Variants in ELFN2 observed in about 807,000 individuals in gnomAD.
The protein encoded by ELFN2 is protein phosphatase 1 regulatory subunit 29.
ELFN2 carries 17 observed loss-of-function variants against 45.5 expected under a neutral mutation model. That is an observed-to-expected ratio of 0.37 (90% CI 0.26 to 0.56). The LOEUF (loss-of-function observed/expected upper bound fraction) is 0.56, where lower values mean the gene tolerates loss of function less well. Ranked by LOEUF, ELFN2 falls within the 20% of genes least tolerant of loss-of-function variation. ELFN2 has a pLI of 0.77. For synonymous variants in ELFN2, 550 were observed against 551.5 expected (o/e 1.00, Z 0.04); for missense variants, 922 against 1,183.2 (o/e 0.78, Z 3.24).
At chr22:37,367,270 C>T (rs985869710), downstream of ELFN2, among the ~76,000 whole-genome samples, 6 of 152,218 alleles carry the variant, frequency 3.9e-5, no homozygotes, top group Admixed American at 2.0e-4. Flanking sequence ...GTCCACTGGA[C>T]GCTGACCTGA....
At chr22:37,382,772 G>C (rs61574707) in intron 2 of ELFN2, among the ~76,000 whole-genome samples, 6,162 of 152,146 alleles carry the variant, frequency 0.041, 435 homozygotes, top group African/African-American at 0.14. Flanking sequence ...GGCTGGTCTT[G>C]AACTCCTCAG....
At chr22:37,396,372 C>T (rs952808982) in intron 2 of ELFN2, among the ~76,000 whole-genome samples, 3 of 152,182 alleles carry the variant, frequency 2.0e-5, no homozygotes, top group Non-Finnish European at 2.9e-5. Context: ...ATGGGGCCAG[C>T]GTGCAGAAGA....
chr22:37,363,932 TCTC>T (rs1931145902), downstream of ELFN2, among the ~76,000 whole-genome samples: 2 of 152,070 alleles, frequency 1.3e-5, no homozygotes, highest in African/African-American at 4.8e-5. Context: ...TAGCATCAGG[TCTC>T]CTTCCTTGCA....
chr22:37,382,146 C>T (rs1330412450), intron 2 of ELFN2, among the ~76,000 whole-genome samples: 1 of 152,112 alleles, frequency 6.6e-6, no homozygotes, highest in Admixed American at 6.5e-5. Context: ...CAGTGATGCA[C>T]CCAAGACCAC....
At chr22:37,411,635 G>A (rs572642815) in intron 2 of ELFN2, among the ~76,000 whole-genome samples, 1 of 152,280 alleles carries the variant, frequency 6.6e-6, no homozygotes, top group African/African-American at 2.4e-5. Context: ...TTGGCACAGA[G>A]GGCACCCTAC....
chr22:37,427,188 C>G (rs1477237622), intron 1 of ELFN2, 110 bp downstream of exon 1: 5 of 151,956 alleles, frequency 3.3e-5, no homozygotes, highest in African/African-American at 1.2e-4. Flanking sequence ...GTGTCCCTCT[C>G]CAAGCCCCAC....
chr22:37,421,941 G>A (rs1932812135), intron 1 of ELFN2, among the ~76,000 whole-genome samples: 1 of 152,230 alleles, frequency 6.6e-6, no homozygotes, highest in African/African-American at 2.4e-5. Flanking sequence ...TGTAGGGGGA[G>A]AAGGATAATA....
At chr22:37,379,210 G>A (rs1026418226) in intron 2 of ELFN2, among the ~76,000 whole-genome samples, 1 of 152,180 alleles carries the variant, frequency 6.6e-6, no homozygotes, top group African/African-American at 2.4e-5. Context: ...ATGATAGATG[G>A]GGGGCGCAGG....
intron 1 of ELFN2, among the ~76,000 whole-genome samples, chr22:37,421,252 G>T (rs1426794109): frequency 6.6e-6 from 1 of 152,160 alleles, no homozygotes; most frequent in African/African-American, 2.4e-5. Context: ...ACTCCATATG[G>T]CATGCCCCCA....
intron 2 of ELFN2, among the ~76,000 whole-genome samples, chr22:37,383,767 C>T (rs1418603002): frequency 6.6e-6 from 1 of 152,240 alleles, no homozygotes; most frequent in Non-Finnish European, 1.5e-5. Context: ...TGCCTTCTTA[C>T]TCAAAAGAGC....
intron 2 of ELFN2, among the ~76,000 whole-genome samples, chr22:37,405,345 G>A (rs781507323): frequency 4.0e-5 from 6 of 151,788 alleles, no homozygotes; most frequent in African/African-American, 1.2e-4. Context: ...CACCCACCTC[G>A]GCCTCCCAAA....
At chr22:37,402,209 C>A (rs1203891510) in intron 2 of ELFN2, among the ~76,000 whole-genome samples, 1 of 152,202 alleles carries the variant, frequency 6.6e-6, no homozygotes, top group African/African-American at 2.4e-5. Flanking sequence ...TAAATGTTAG[C>A]CCATGCTATT....
intron 2 of ELFN2, among the ~76,000 whole-genome samples, chr22:37,407,673 G>A (rs182380457): frequency 1.4e-3 from 218 of 151,972 alleles, no homozygotes; most frequent in African/African-American, 4.2e-3. Context: ...TGAGGTGGGC[G>A]GATCACGAGG....
At chr22:37,381,574 A>C (rs1369978551) in intron 2 of ELFN2, among the ~76,000 whole-genome samples, 1 of 150,314 alleles carries the variant, frequency 6.7e-6, no homozygotes, top group African/African-American at 2.5e-5. Context: ...AGTCTGAGAT[A>C]ACTCACTCCT....
intron 2 of ELFN2, among the ~76,000 whole-genome samples, chr22:37,378,221 G>A (rs1461189744): frequency 6.6e-6 from 1 of 152,246 alleles, no homozygotes; most frequent in South Asian, 2.1e-4. Flanking sequence ...GCAGGGGCAG[G>A]AAGGTATGTG....
rs768920503 is a variant in ELFN2, at chr22:37,374,407, G to A, written c.1128C>T (p.Thr376=). Reference sequence around the variant, plus strand: ...CGGGGACGGGGTCCCGCGTGGTGAAGGTCAGGCAGGTGTGGTTGAAGCGGC... The same window carrying A: ...CGGGGACGGGGTCCCGCGTGGTGAAAGTCAGGCAGGTGTGGTTGAAGCGGC... The part of the protein sequence containing the change: ...NSRRFNHTCL[T]FTTRDPVPGD... Residue 376 remains threonine, a synonymous_variant, in exon 3 of 3, where the codon ACC becomes ACT. Transcript: ENST00000402918. 1 of 1,613,844 alleles carries A rather than the reference G, an allele frequency of 6.2e-7. No individual in the cohort carries two copies. The highest frequency in any genetic ancestry group is 2.2e-5 in the East Asian group (1 of 44,894).
downstream of ELFN2, among the ~76,000 whole-genome samples, chr22:37,364,721 C>T (rs1931163305): frequency 1.3e-5 from 2 of 152,216 alleles, no homozygotes; most frequent in Non-Finnish European, 2.9e-5. Flanking sequence ...AGGCCAAATC[C>T]AGGGGCCTTC....
At position 37,427,286 on chromosome 22, in the gene ELFN2, G is replaced by A. The variant is rs1229505866; in HGVS notation, c.-614+12C>T. The A allele has an allele frequency of 6.6e-6, 1 of 152,294 alleles. No individual in the cohort carries two copies. The highest frequency in any genetic ancestry group is 2.4e-5 in the African/African-American group (1 of 41,418). The allele number at this position is 152,294 out of a possible 1,614,324, so 9.4% of individuals were successfully genotyped here. On this transcript the variant is annotated intron_variant, in intron 1 of 2. Transcript: ENST00000402918. ...TCGGTCGCGGCGCTCGGATCCAGAG[G>A]AATTCACTTACCCCAGCCCCAGCCG...
intron 2 of ELFN2, among the ~76,000 whole-genome samples, chr22:37,407,672 C>T (rs777617614): frequency 6.6e-5 from 10 of 151,602 alleles, no homozygotes; most frequent in Non-Finnish European, 1.5e-4. Context: ...CTGAGGTGGG[C>T]GGATCACGAG....
Sources: gnomAD v4.1 joint callset for allele counts (sites outside exome capture counted in the v4.1 genomes callset) on GRCh38, gnomAD v4.1.1 for gene constraint, MANE v1.5 for transcripts, NCBI Gene and HGNC (gene_info 2026-07-23, HGNC 2026-07-21) for gene names.